Variants in APPL1 observed in about 807,000 individuals in gnomAD.
APPL1 encodes DCC-interacting protein 13-alpha.
APPL1 carries 42 observed loss-of-function variants against 106.8 expected under a neutral mutation model. The ratio of observed to expected loss-of-function variants is 0.39; its 90% confidence interval spans 0.31 to 0.51. The LOEUF is 0.51. APPL1 is among the 20% of genes least tolerant of loss of function. APPL1 has a pLI of 0.75. For missense variants in APPL1, 769 were observed against 858.2 expected (o/e 0.90, Z 1.30); for synonymous variants, 263 against 281.8 (o/e 0.93, Z 0.67).
chr3:57,247,500 T>G (rs766412517), intron 9 of APPL1, 23 bp downstream of exon 9: 1 of 1,451,014 alleles, frequency 6.9e-7, no homozygotes, highest in Non-Finnish European at 9.6e-7. Flanking sequence ...TTCCTTAAAA[T>G]TGAAAATGAA....
rs114969768 is a variant in APPL1 at position 57,253,267 on chromosome 3, G to A, written c.1096-415G>A. On this transcript the variant is annotated intron_variant, in intron 12 of 21. Transcript: ENST00000288266. ...TACATTTGTGTTAATTATGATACCC[G>A]AGTTCACACTGTCTTGTTTGGTGGG... Among the ~76,000 whole-genome samples the A allele has an allele frequency of 4.2e-3, 645 of 152,088 alleles. 5 individuals carry two copies. The highest frequency in any genetic ancestry group is 0.015 in the African/African-American group (605 of 41,504).
intron 10 of APPL1, 35 bp downstream of exon 10, chr3:57,248,386 A>G (rs1317854264): frequency 6.3e-7 from 1 of 1,594,968 alleles, no homozygotes; most frequent in Admixed American, 1.7e-5. Context: ...TATATTGTGT[A>G]TCATGTAAGA....
At position 57,249,466 on chromosome 3, in the gene APPL1, G is replaced by GAC; in HGVS notation, c.972_973dup (p.Ile325ThrfsTer2). 1 of 1,614,160 alleles carries GAC rather than the reference G, an allele frequency of 6.2e-7. No individual in the cohort carries two copies. The highest frequency in any genetic ancestry group is 8.5e-7 in the Non-Finnish European group (1 of 1,180,022). On this transcript the variant is annotated frameshift_variant, in exon 11 of 22. Transcript: ENST00000288266. LOFTEE classifies it high-confidence loss of function. ...GGATGTAGCAGGAGGCCTGGCCATG[G>GAC]ACATAGACAACTGTTCAGTGATGGC...
At chr3:57,234,778 C>A (rs2060707725) in intron 1 of APPL1, among the ~76,000 whole-genome samples, 1 of 152,102 alleles carries the variant, frequency 6.6e-6, no homozygotes, top group Admixed American at 6.6e-5. Flanking sequence ...GCCTCAGCCT[C>A]CTGAGTAGCT....
intron 18 of APPL1, 197 bp downstream of exon 18, chr3:57,260,350 C>T (rs2060858496): frequency 6.7e-6 from 4 of 599,286 alleles, no homozygotes; most frequent in Non-Finnish European, 1.1e-5. Context: ...AAAGAATTAA[C>T]ACAATTCTTT....
intron 19 of APPL1, among the ~76,000 whole-genome samples, chr3:57,265,079 A>T (rs996020323): frequency 6.6e-6 from 1 of 152,182 alleles, no homozygotes; most frequent in East Asian, 1.9e-4. Context: ...CCAATCCATG[A>T]ACGTGGAATA....
At chr3:57,247,807 T>C (rs1249701842) in intron 9 of APPL1, among the ~76,000 whole-genome samples, 3 of 152,192 alleles carry the variant, frequency 2.0e-5, no homozygotes, top group Non-Finnish European at 2.9e-5. Flanking sequence ...TTACTAAATA[T>C]TGTTTCCAAG....
Position 57,268,470 on chromosome 3 carries a change from C to T in APPL1, c.1966C>T (p.Gln656Ter). 1 of 1,603,720 alleles carries T rather than the reference C, an allele frequency of 6.2e-7. No individual in the cohort carries two copies. Among genetic ancestry groups the T allele is most frequent in the East Asian group, 2.2e-5 (1 of 44,654 alleles). Residue 656 changes from glutamine (Q) to a stop codon, truncating the protein, a stop_gained, in exon 21 of 22, where the codon CAA becomes TAA. Transcript: ENST00000288266. LOFTEE classifies it high-confidence loss of function. ...GAAGCAACAGAAAGAACTCAATAAA[C>T]AAAAACAGATTGAAAAGGTATACAG... ...KEKQQKELNKQKQIEKDLEEQ... is the reference protein window; with the variant it reads ...KEKQQKELNK
chr3:57,265,924 A>G (rs1226930739), intron 19 of APPL1, among the ~76,000 whole-genome samples: 2 of 152,216 alleles, frequency 1.3e-5, no homozygotes, highest in Admixed American at 6.5e-5. Context: ...AACTTTATCA[A>G]ATGCATTTTC....
intron 19 of APPL1, among the ~76,000 whole-genome samples, chr3:57,262,385 CTT>C (rs373526618): frequency 5.2e-4 from 15 of 29,058 alleles, no homozygotes; most frequent in South Asian, 2.2e-3. Context: ...GGAAAATAAC[CTT>C]TTTTTTTTTT....
At chr3:57,251,403 A>G (rs2060803824) in intron 11 of APPL1, among the ~76,000 whole-genome samples, 1 of 151,640 alleles carries the variant, frequency 6.6e-6, no homozygotes. Context: ...GGGTGCCTGT[A>G]ATCCTACCTA....
intron 19 of APPL1, among the ~76,000 whole-genome samples, chr3:57,263,976 A>G (rs920760619): frequency 1.1e-4 from 17 of 152,238 alleles, no homozygotes; most frequent in Admixed American, 2.0e-4. Context: ...ACTTTTCTCC[A>G]TAGTGGTTAT....
chr3:57,261,137 TTGTC>T (rs1411137623), intron 19 of APPL1, among the ~76,000 whole-genome samples: 24 of 152,286 alleles, frequency 1.6e-4, no homozygotes, highest in African/African-American at 5.5e-4. Context: ...CCAGTCTCTG[TTGTC>T]TGTCATTCCA....
Position 57,262,170 on chromosome 3 carries a change from G to A in APPL1, c.1842+1396G>A, listed in dbSNP as rs1216372823. On this transcript the variant is annotated intron_variant, in intron 19 of 21. Coordinates refer to ENST00000288266, the MANE Select transcript of APPL1 (RefSeq NM_012096.3). ...TCTGGATATTAGTCCCCAGTTGGAT[G>A]AACAGTTTGCAAATAATTTCTCCCA... 2.6e-5 allele frequency among the ~76,000 whole-genome samples: 4 copies of A among 151,906 alleles called. No individual in the cohort carries two copies. The East Asian group carries it at 5.8e-4, about 22-fold the overall frequency.
At chr3:57,250,539 C>G (rs547247477) in intron 11 of APPL1, among the ~76,000 whole-genome samples, 1 of 152,182 alleles carries the variant, frequency 6.6e-6, no homozygotes, top group Non-Finnish European at 1.5e-5. Flanking sequence ...AAAAATCCTA[C>G]TGTCTTATTA....
intron 1 of APPL1, chr3:57,230,658 T>A (rs2060681548): frequency 6.1e-6 from 2 of 327,054 alleles, no homozygotes; most frequent in South Asian, 4.9e-5. Context: ...TAAATAGGGC[T>A]GAGATTAATG....
At chr3:57,254,389 T>A (rs1040625938) in intron 13 of APPL1, among the ~76,000 whole-genome samples, 4 of 152,188 alleles carry the variant, frequency 2.6e-5, no homozygotes, top group African/African-American at 9.7e-5. Flanking sequence ...TTAAGTAACA[T>A]TTCAGATAAA....
At position 57,268,505 on chromosome 3, in the gene APPL1, C is replaced by G; in HGVS notation, c.1983+18C>G. 6.4e-7 allele frequency: 1 copy of G among 1,563,002 alleles called. No individual in the cohort carries two copies. Among genetic ancestry groups the G allele is most frequent in the Non-Finnish European group, 8.6e-7 (1 of 1,160,180 alleles). On this transcript the variant is annotated intron_variant, in intron 21 of 21. Transcript: ENST00000288266. Reference sequence around the variant, plus strand: ...TTGAAAAGGTATACAGTCCTAATGTCTGGATCTTTATGTGTTGTTTGTGAA... The same window carrying G: ...TTGAAAAGGTATACAGTCCTAATGTGTGGATCTTTATGTGTTGTTTGTGAA...
At chr3:57,241,203 A>G (rs1395321762) in intron 5 of APPL1, among the ~76,000 whole-genome samples, 2 of 152,138 alleles carry the variant, frequency 1.3e-5, no homozygotes, top group Non-Finnish European at 2.9e-5. Context: ...AGGAGACTAG[A>G]CTGGGAAGTT....
Sources: allele counts gnomAD v4.1 joint callset (sites outside exome capture counted in the v4.1 genomes callset), GRCh38; gene constraint gnomAD v4.1.1; transcripts MANE v1.5; gene names NCBI Gene and HGNC (gene_info 2026-07-23, HGNC 2026-07-21).